The following EFCAB5 variants were observed in gnomAD, a reference collection of about 807,000 sequenced individuals.
EFCAB5 encodes the protein EF-hand calcium binding domain 5.
A neutral mutation model predicts 167.9 loss-of-function variants in EFCAB5; 131 were observed. The ratio of observed to expected loss-of-function variants is 0.78; its 90% confidence interval spans 0.68 to 0.90. EFCAB5 has a LOEUF of 0.90. EFCAB5 is among the 40% of genes least tolerant of loss of function. The probability of loss-of-function intolerance (pLI) is 0.00; values close to 1 mark genes in which losing one functional copy is unlikely to be tolerated. For missense variants in EFCAB5, 1,663 were observed against 1,745.2 expected (o/e 0.95, Z 0.84); for synonymous variants, 574 against 602.8 (o/e 0.95, Z 0.70).
At position 30,021,600 on chromosome 17, in the gene EFCAB5, C is replaced by T. The variant is rs1176746917; in HGVS notation, c.1045-12630C>T. ...ATATTAGTTTTCCTGAAATTTCCCA[C>T]TTTCTCTTCTTGAAGTGCAAACAGC... On this transcript the variant is annotated intron_variant, in intron 7 of 22. Coordinates refer to ENST00000394835, the MANE Select transcript of EFCAB5 (RefSeq NM_198529.4). 2.6e-5 allele frequency among the ~76,000 whole-genome samples: 4 copies of T among 151,830 alleles called. No individual in the cohort carries two copies. In the East Asian group the frequency reaches 7.7e-4, roughly 29 times the overall value.
chr17:29,949,742 T>A (rs1243736453), intron 3 of EFCAB5, among the ~76,000 whole-genome samples: 1 of 152,236 alleles, frequency 6.6e-6, no homozygotes, highest in Admixed American at 6.5e-5. Flanking sequence ...GTGCTTCTTT[T>A]TCTTGTTTTT....
intron 7 of EFCAB5, among the ~76,000 whole-genome samples, chr17:30,025,940 GT>G (rs2069308290): frequency 6.6e-6 from 1 of 151,264 alleles, no homozygotes; most frequent in Non-Finnish European, 1.5e-5. Context: ...AACACCACAT[GT>G]TCTCACTCAT....
intron 3 of EFCAB5, chr17:29,968,497 C>G (rs1372058892): frequency 2.3e-5 from 8 of 354,076 alleles, no homozygotes; most frequent in Admixed American, 8.7e-5. Context: ...ATGGCTGGAG[C>G]TCTAATAGTC....
chr17:30,067,389 A>G (rs1739188512), intron 14 of EFCAB5, among the ~76,000 whole-genome samples: 1 of 152,162 alleles, frequency 6.6e-6, no homozygotes, highest in South Asian at 2.1e-4. Flanking sequence ...CCAGGGCAGG[A>G]GGCTCACTTG....
chr17:30,091,109 T>C (rs2071187193), intron 20 of EFCAB5, among the ~76,000 whole-genome samples: 1 of 152,216 alleles, frequency 6.6e-6, no homozygotes, highest in African/African-American at 2.4e-5. Context: ...ATTTGGGTGC[T>C]CTTCCCACTA....
At chr17:29,945,855 T>C (rs1172504733) in intron 3 of EFCAB5, among the ~76,000 whole-genome samples, 1 of 152,146 alleles carries the variant, frequency 6.6e-6, no homozygotes, top group Non-Finnish European at 1.5e-5. Flanking sequence ...CATCAAAAAC[T>C]TAAATCTAAG....
intron 8 of EFCAB5, among the ~76,000 whole-genome samples, chr17:30,039,913 G>A (rs1326885121): frequency 2.0e-5 from 3 of 152,106 alleles, no homozygotes; most frequent in Non-Finnish European, 2.9e-5. Flanking sequence ...CTCACCTCAT[G>A]CCAAATGACA....
chr17:29,933,421 T>A (rs1286638364), intron 1 of EFCAB5, among the ~76,000 whole-genome samples: 2 of 152,210 alleles, frequency 1.3e-5, no homozygotes, highest in Admixed American at 6.5e-5. Flanking sequence ...GGCTCCACCC[T>A]GGTTCCTCCT....
chr17:30,053,197 C>T (rs369329514), intron 9 of EFCAB5, 58 bp from the exon 10 acceptor site: 7 of 1,518,148 alleles, frequency 4.6e-6, no homozygotes, highest in Admixed American at 4.3e-5. Flanking sequence ...AATTTAATAG[C>T]TCTAATTCTG....
In EFCAB5 at chr17:30,092,241, A is replaced by G. The variant is rs117113241; in HGVS notation, c.4224+84A>G. On this transcript the variant is annotated intron_variant, in intron 21 of 22. Transcript: ENST00000394835. ...TGTACAAATCATAATTGCATAAATC[A>G]TAAGGGTACAAATGCAAGAATTTTT... is the stretch of plus-strand genomic sequence containing the variant. 0.024 allele frequency: 32,838 copies of G among 1,391,724 alleles called. 481 individuals are homozygous for G. Among genetic ancestry groups the G allele is most frequent in the Non-Finnish European group, 0.029 (30,072 of 1,041,082 alleles). 86.2% of individuals were successfully genotyped at this position (1,391,724 alleles called of 1,614,324 possible). A position where few individuals can be genotyped will look rare whatever the true frequency, so the allele number is the denominator to read the frequency against.
chr17:30,053,249 C>T lies in EFCAB5; in HGVS notation c.1301-6C>T, dbSNP rs2070151234. The stretch of plus-strand genomic sequence containing the variant: ...GTTTAAGTGAATATTTTGTTTTCTG[C>T]ATTAGGGCCATTCATTGAATTTGAA... On this transcript the variant is annotated splice_polypyrimidine_tract_variant and splice_region_variant and intron_variant, in intron 9 of 22. Transcript: ENST00000394835. 5.7e-6 allele frequency: 9 copies of T among 1,589,454 alleles called. No homozygotes were observed. The highest frequency in any genetic ancestry group is 7.7e-6 in the Non-Finnish European group (9 of 1,167,896).
intron 7 of EFCAB5, among the ~76,000 whole-genome samples, chr17:30,013,835 C>T (rs907758815): frequency 2.0e-5 from 3 of 152,122 alleles, no homozygotes; most frequent in Non-Finnish European, 4.4e-5. Flanking sequence ...TATTTCTTGC[C>T]TTCTGCTAGC....
intron 14 of EFCAB5, among the ~76,000 whole-genome samples, chr17:30,077,104 C>T (rs766480678): frequency 6.6e-6 from 1 of 152,138 alleles, no homozygotes; most frequent in African/African-American, 2.4e-5. Context: ...GAGTTAGAGA[C>T]CAGCCTGGCC....
intron 9 of EFCAB5, among the ~76,000 whole-genome samples, chr17:30,052,825 A>T (rs535427646): frequency 1.3e-5 from 2 of 152,236 alleles, no homozygotes; most frequent in Non-Finnish European, 2.9e-5. Flanking sequence ...ACATAGCCCC[A>T]TTGAAAGATT....
intron 4 of EFCAB5, among the ~76,000 whole-genome samples, chr17:29,975,546 CA>C (rs2068048529): frequency 6.6e-6 from 1 of 152,104 alleles, no homozygotes; most frequent in Admixed American, 6.5e-5. Context: ...CGTGAGCCAC[CA>C]CACCTGGCCC....
intron 7 of EFCAB5, among the ~76,000 whole-genome samples, chr17:30,007,008 G>C (rs1567710165): frequency 6.6e-6 from 1 of 152,088 alleles, no homozygotes; most frequent in Non-Finnish European, 1.5e-5. Flanking sequence ...ACAGAAAGAA[G>C]AGTATAGCAT....
At chr17:29,967,960 G>A (rs1225859355) in intron 3 of EFCAB5, among the ~76,000 whole-genome samples, 1 of 145,498 alleles carries the variant, frequency 6.9e-6, no homozygotes, top group Non-Finnish European at 1.5e-5. Context: ...CTGCAGCCTC[G>A]ACCTCCAGGG....
chr17:29,943,910 G>A (rs2067343703), intron 3 of EFCAB5, among the ~76,000 whole-genome samples: 1 of 152,086 alleles, frequency 6.6e-6, no homozygotes, highest in African/African-American at 2.4e-5. Flanking sequence ...GGAGGTGGGG[G>A]TTGCAGTGAG....
intron 3 of EFCAB5, among the ~76,000 whole-genome samples, chr17:29,955,691 A>G (rs2067600920): frequency 6.6e-6 from 1 of 152,220 alleles, no homozygotes; most frequent in Non-Finnish European, 1.5e-5. Context: ...AAAACATTTC[A>G]TGCTCATGTA....
Sources: gnomAD v4.1 joint callset for allele counts (sites outside exome capture counted in the v4.1 genomes callset) on GRCh38, gnomAD v4.1.1 for gene constraint, MANE v1.5 for transcripts, NCBI Gene and HGNC (gene_info 2026-07-23, HGNC 2026-07-21) for gene names.